The following RNGTT variants were observed in gnomAD, a reference collection of about 807,000 sequenced individuals.
RNGTT encodes the protein RNA guanylyltransferase and 5'-phosphatase.
RNGTT carries 33 observed loss-of-function variants against 79.3 expected under a neutral mutation model. The observed-to-expected ratio is 0.42, with a 90% confidence interval of 0.32 to 0.56. The LOEUF is 0.56. RNGTT is among the 20% of genes least tolerant of loss of function. RNGTT has a pLI of 0.17. For missense variants in RNGTT, 497 were observed against 739.1 expected (o/e 0.67, Z 3.80); for synonymous variants, 222 against 235.9 (o/e 0.94, Z 0.54).
intron 4 of RNGTT, among the ~76,000 whole-genome samples, chr6:88,925,294 T>G (rs1324403933): frequency 6.6e-6 from 1 of 152,138 alleles, no homozygotes; most frequent in Non-Finnish European, 1.5e-5. Context: ...AATAAGCATT[T>G]ATTAATACTA....
chr6:88,853,575 A>G, intron 9 of RNGTT, 54 bp downstream of exon 9: 1 of 1,248,814 alleles, frequency 8.0e-7, no homozygotes. Context: ...TTTACTTACA[A>G]GGAAAAGAAA....
intron 11 of RNGTT, among the ~76,000 whole-genome samples, chr6:88,815,341 G>A (rs894211557): frequency 3.3e-5 from 5 of 152,106 alleles, no homozygotes; most frequent in Non-Finnish European, 7.4e-5. Flanking sequence ...TTCTGCCCAC[G>A]TGTCTCTCCT....
At chr6:88,616,709 C>T (rs972474918) in intron 14 of RNGTT, among the ~76,000 whole-genome samples, 9 of 152,084 alleles carry the variant, frequency 5.9e-5, no homozygotes, top group African/African-American at 2.2e-4. Flanking sequence ...CTTCAGTATA[C>T]AAGAAACTTT....
At chr6:88,629,621 G>A (rs952360644) in intron 14 of RNGTT, among the ~76,000 whole-genome samples, 1 of 152,044 alleles carries the variant, frequency 6.6e-6, no homozygotes, top group Non-Finnish European at 1.5e-5. Flanking sequence ...ACAAAATTAC[G>A]CAGGCAAAGA....
intron 13 of RNGTT, among the ~76,000 whole-genome samples, chr6:88,733,820 G>GA (rs71021388): frequency 1.1e-3 from 153 of 142,774 alleles, no homozygotes; most frequent in Middle Eastern, 3.5e-3. Flanking sequence ...GTGTTGAAAG[G>GA]AAAAAAAAAA....
intron 13 of RNGTT, among the ~76,000 whole-genome samples, chr6:88,723,497 CTAATAAATCTACCTTTCTT>C (rs529563568): frequency 6.6e-4 from 100 of 152,290 alleles, no homozygotes; most frequent in African/African-American, 2.4e-3. Context: ...CATACTTTCT[CTAATAAATCTACCTTTCTT>C]TACCTACAGT....
At chr6:88,949,158 T>TAAAAAAAAAAAAAAA (rs1491197999) in intron 1 of RNGTT, among the ~76,000 whole-genome samples, 6 of 18,004 alleles carry the variant, frequency 3.3e-4, no homozygotes, top group Admixed American at 1.2e-3. Context: ...TAAAATAAAA[T>TAAAAAAAAAAAAAAA]GAAAAAAAAA....
chr6:88,759,991 TATTA>T (rs765032056), intron 13 of RNGTT, among the ~76,000 whole-genome samples: 1 of 152,150 alleles, frequency 6.6e-6, no homozygotes, highest in Non-Finnish European at 1.5e-5. Context: ...TGAAAATATA[TATTA>T]ATTGAGAAAA....
intron 12 of RNGTT, among the ~76,000 whole-genome samples, chr6:88,780,801 A>G (rs1779037620): frequency 6.6e-6 from 1 of 152,236 alleles, no homozygotes; most frequent in Non-Finnish European, 1.5e-5. Flanking sequence ...TAGAGGTAGA[A>G]GATGGCCATA....
chr6:88,656,124 A>G lies in RNGTT; in HGVS notation c.1506+22229T>C, dbSNP rs575059881. ...GAAATACCCAGTCCCCAATCCTCAC[A>G]TAAAGGACTTCTGAAAAACTTCCCT... On this transcript the variant is annotated intron_variant, in intron 14 of 15. Transcript: ENST00000369485. Among the ~76,000 whole-genome samples, 5 of 152,322 alleles carry G rather than the reference A, an allele frequency of 3.3e-5. No individual in the cohort carries two copies. In the South Asian group the frequency reaches 8.3e-4, roughly 25 times the overall value.
intron 2 of RNGTT, among the ~76,000 whole-genome samples, chr6:88,939,182 T>C (rs1784766643): frequency 6.6e-6 from 1 of 152,244 alleles, no homozygotes; most frequent in Non-Finnish European, 1.5e-5. Context: ...TATTATTTCA[T>C]TAAATAGGTT....
intron 13 of RNGTT, among the ~76,000 whole-genome samples, chr6:88,754,209 T>A (rs2127831996): frequency 6.6e-6 from 1 of 152,212 alleles, no homozygotes. Context: ...AAGTGAGGTA[T>A]GAAATTCGAG....
chr6:88,701,131 G>A (rs1292952145), intron 13 of RNGTT, among the ~76,000 whole-genome samples: 1 of 151,922 alleles, frequency 6.6e-6, no homozygotes, highest in African/African-American at 2.4e-5. Context: ...AGAAGAAGAA[G>A]AAAGAATAAA....
chr6:88,942,179 C>G (rs148227938), intron 1 of RNGTT, among the ~76,000 whole-genome samples: 1 of 152,060 alleles, frequency 6.6e-6, no homozygotes, highest in African/African-American at 2.4e-5. Context: ...TATTCTATAT[C>G]TCAGGATAAA....
At chr6:88,867,537 C>CA (rs1211901061) in intron 8 of RNGTT, among the ~76,000 whole-genome samples, 1 of 150,700 alleles carries the variant, frequency 6.6e-6, no homozygotes, top group African/African-American at 2.4e-5. Context: ...AGCAGATGTC[C>CA]AAAAAAAGCA....
intron 1 of RNGTT, among the ~76,000 whole-genome samples, chr6:88,949,261 T>C (rs980850504): frequency 7.1e-6 from 1 of 141,504 alleles, no homozygotes; most frequent in Non-Finnish European, 1.5e-5. Context: ...AATCAGTCTT[T>C]TTTTTTTTTT....
intron 13 of RNGTT, among the ~76,000 whole-genome samples, chr6:88,742,976 G>A (rs1227908229): frequency 6.6e-6 from 1 of 152,166 alleles, no homozygotes; most frequent in Non-Finnish European, 1.5e-5. Flanking sequence ...CAATGTCTCA[G>A]AAGAAATAGG....
chr6:88,928,195 C>T (rs1784382943), intron 4 of RNGTT, among the ~76,000 whole-genome samples: 2 of 151,944 alleles, frequency 1.3e-5, no homozygotes, highest in African/African-American at 2.4e-5. Context: ...CCGGGCGATA[C>T]AGCAAGACTT....
intron 14 of RNGTT, among the ~76,000 whole-genome samples, chr6:88,634,581 G>T (rs892935024): frequency 6.6e-6 from 1 of 152,026 alleles, no homozygotes; most frequent in Non-Finnish European, 1.5e-5. Context: ...TGTATAAAGG[G>T]TTGGCTTCGA....
Sources: allele counts gnomAD v4.1 joint callset (sites outside exome capture counted in the v4.1 genomes callset), GRCh38; gene constraint gnomAD v4.1.1; transcripts MANE v1.5; gene names NCBI Gene and HGNC (gene_info 2026-07-23, HGNC 2026-07-21).